The following ORC6 variants were observed in gnomAD, a reference collection of about 807,000 sequenced individuals.
ORC6 encodes the protein origin recognition complex subunit 6, also known as origin recognition complex, subunit 6 homolog-like (yeast).
A neutral mutation model predicts 30.0 loss-of-function variants in ORC6; 31 were observed. The observed-to-expected ratio is 1.03, with a 90% CI of 0.78 to 1.40. The LOEUF (loss-of-function observed/expected upper bound fraction) is 1.40, where lower values mean the gene tolerates loss of function less well. Ranked by LOEUF, ORC6 falls within the 40% of genes most tolerant of loss-of-function variation. ORC6 has a pLI of 0.00. For missense variants in ORC6, 340 were observed against 304.3 expected, an observed-to-expected ratio of 1.12 and a Z score of -0.87; for synonymous variants, 136 against 111.2, an observed-to-expected ratio of 1.22 and a Z score of -1.40.
chr16:46,691,954 A>ACTCTCTCTCTCT (rs1464451439), intron 2 of ORC6, among the ~76,000 whole-genome samples: 2 of 6,108 alleles, frequency 3.3e-4, no homozygotes, highest in East Asian at 6.3e-3. Flanking sequence ...ACACACACAC[A>ACTCTCTCTCTCT]CACACTCTCT....
Position 46,693,145 on chromosome 16 carries a change from C to A in ORC6, c.412C>A (p.Pro138Thr), listed in dbSNP as rs1966468484. 6.2e-7 allele frequency: 1 copy of A among 1,613,138 alleles called. No homozygotes were observed. The highest frequency in any genetic ancestry group is 2.2e-5 in the East Asian group (1 of 44,880). ...GCAAGTGGATCTTGACTTATCCAGG[C>A]CACTTTTCACTTCTGCTGCACTGCT... ...TQQVDLDLSR[P>T]LFTSAALLSA... is the part of the protein sequence containing the mutation. Residue 138 changes from proline to threonine, a missense_variant, in exon 4 of 7, where the codon CCA becomes ACA. Pro to Thr is a conservative substitution (Grantham distance 38). Coordinates refer to ENST00000219097, the MANE Select transcript of ORC6 (RefSeq NM_014321.4).
Position 46,690,997 on chromosome 16 carries a change from A to G in ORC6, c.72A>G (p.Ala24=), listed in dbSNP as rs767738291. Residue 24 remains alanine, a synonymous_variant, in exon 2 of 7, where the codon GCA becomes GCG. Transcript: ENST00000219097. ...GLAEPDMLRK[A]EEYLRLSRVK... is the part of the protein sequence containing the mutation. ...ACACTGCCCTTTTAACCAGGAAAGC[A>G]GAGGAGTACTTGCGCCTGTCCCGGG... 2 of 1,614,244 alleles carry G rather than the reference A, an allele frequency of 1.2e-6. No individual in the cohort carries two copies. The highest frequency in any genetic ancestry group is 4.5e-5 in the East Asian group (2 of 44,890).
intron 6 of ORC6, among the ~76,000 whole-genome samples, chr16:46,697,190 A>G (rs902068375): frequency 2.0e-5 from 3 of 152,102 alleles, no homozygotes; most frequent in African/African-American, 4.8e-5. Context: ...AGTGATAGCT[A>G]AGCTAGGTGT....
rs1173660103 is a variant in ORC6 at position 46,691,043 on chromosome 16, G to A, written c.118G>A (p.Ala40Thr). Residue 40 changes from alanine (A) to threonine (T), a missense_variant, in exon 2 of 7, where the codon GCA becomes ACA. Ala to Thr is a moderately conservative substitution (Grantham distance 58, BLOSUM62 0). Transcript: ENST00000219097. ...CCGGGTGAAGTGTGTCGGCCTCTCC[G>A]CACGCACCACGGAGACCAGCAGTGC... ...LSRVKCVGLS[A>T]RTTETSSAVM... 4 of 1,614,036 alleles carry A rather than the reference G, an allele frequency of 2.5e-6. No individual in the cohort carries two copies. The highest frequency in any genetic ancestry group is 2.2e-5 in the South Asian group (2 of 91,096).
chr16:46,695,840 A>G (rs777386633), intron 5 of ORC6, 166 bp downstream of exon 5: 1 of 749,218 alleles, frequency 1.3e-6, no homozygotes. Context: ...CCATGAATCT[A>G]TGCCTGGAAA....
chr16:46,690,763 A>G, intron 1 of ORC6: 1 of 582,646 alleles, frequency 1.7e-6, no homozygotes, highest in Non-Finnish European at 3.1e-6. Flanking sequence ...TTTTTTGTCA[A>G]AATTTAACTT....
At chr16:46,694,581 GCAGA>G (rs1966497070) in intron 4 of ORC6, 1 of 139,986 alleles carries the variant, frequency 7.1e-6, no homozygotes, top group Non-Finnish European at 1.6e-5. Context: ...AGCTGGCCGG[GCAGA>G]GGGGCTCCTC....
chr16:46,690,780 G>A, intron 1 of ORC6: 1 of 621,444 alleles, frequency 1.6e-6, no homozygotes, highest in South Asian at 1.7e-5. Flanking sequence ...ACTTCCTTTT[G>A]CCTGAAAGCA....
intron 3 of ORC6, among the ~76,000 whole-genome samples, 166 bp from the exon 4 acceptor site, chr16:46,692,927 T>C (rs1222620616): frequency 6.6e-6 from 1 of 152,152 alleles, no homozygotes; most frequent in Admixed American, 6.5e-5. Context: ...AGATACAAAT[T>C]ATCCATTGTC....
chr16:46,693,045 T>C (rs920733538), intron 3 of ORC6, 48 bp from the exon 4 acceptor site: 1 of 1,264,822 alleles, frequency 7.9e-7, no homozygotes, highest in Non-Finnish European at 1.2e-6. Context: ...CAGTCTCTTT[T>C]CAAATAATAT....
intron 5 of ORC6, 100 bp from the exon 6 acceptor site, chr16:46,695,914 ATTT>A: frequency 1.1e-6 from 1 of 881,044 alleles, no homozygotes; most frequent in Admixed American, 1.8e-5. Context: ...TTCTCCTCAT[ATTT>A]GATCAGTTAA....
chr16:46,695,368 T>C (rs754115802), intron 4 of ORC6, 194 bp from the exon 5 acceptor site: 1 of 588,374 alleles, frequency 1.7e-6, no homozygotes, highest in Non-Finnish European at 3.0e-6. Context: ...ATAGATCCCA[T>C]GTGCATTTTA....
At chr16:46,691,198 T>G in intron 2 of ORC6, 78 bp downstream of exon 2, 1 of 1,346,058 alleles carries the variant, frequency 7.4e-7, no homozygotes, top group Non-Finnish European at 1.1e-6. Flanking sequence ...AACTAAACCC[T>G]AGTAAAAACT....
chr16:46,689,663 A>G lies in ORC6; in HGVS notation c.-43A>G. 6.3e-7 allele frequency: 1 copy of G among 1,575,434 alleles called. No homozygotes were observed. The highest frequency in any genetic ancestry group is 8.6e-7 in the Non-Finnish European group (1 of 1,160,148). On this transcript the variant is annotated 5_prime_UTR_variant, in exon 1 of 7. Coordinates refer to ENST00000219097, the MANE Select transcript of ORC6 (RefSeq NM_014321.4). Reference sequence around the variant, plus strand: ...CAGCCTTTGCGCGCGGGTTTCGTTGACCCGCGGCGTTCACGGGAATTGTTC... The same window carrying G: ...CAGCCTTTGCGCGCGGGTTTCGTTGGCCCGCGGCGTTCACGGGAATTGTTC...
At position 46,692,258 on chromosome 16, in the gene ORC6, G is replaced by A. The variant is rs1028573176; in HGVS notation, c.196-124G>A. 3 of 763,542 alleles carry A rather than the reference G, an allele frequency of 3.9e-6. No individual in the cohort carries two copies. The African/African-American group carries it at 5.3e-5, about 13-fold the overall frequency. The allele number at this position is 763,542 out of a possible 1,614,324, so 47.3% of individuals were successfully genotyped here. A position where few individuals can be genotyped will look rare whatever the true frequency, so the allele number is the denominator to read the frequency against. Reference sequence around the variant, plus strand: ...TGACTAAATGAAGCTAAACCTTTAGGTAGAGTGACTTGCCACAAAATTAAT... The same window carrying A: ...TGACTAAATGAAGCTAAACCTTTAGATAGAGTGACTTGCCACAAAATTAAT... On this transcript the variant is annotated intron_variant, in intron 2 of 6. Transcript: ENST00000219097.
chr16:46,696,629 T>TTTTG lies in ORC6; in HGVS notation c.631+557_631+560dup, dbSNP rs547531901. On this transcript the variant is annotated intron_variant, in intron 6 of 6. Transcript: ENST00000219097. ...TACTGGCTATGTGATTTTTTGGTTT[T>TTTTG]TTTGTTTGTTTGTTTGATTTTGGTT... is the stretch of plus-strand genomic sequence containing the variant. 2.9e-3 allele frequency among the ~76,000 whole-genome samples: 442 copies of TTTTG among 152,256 alleles called. 4 individuals are homozygous for TTTTG. Among genetic ancestry groups the TTTTG allele is most frequent in the South Asian group, 0.012 (58 of 4,822 alleles).
At chr16:46,693,014 G>A (rs1432200927) in intron 3 of ORC6, 79 bp from the exon 4 acceptor site, 3 of 975,532 alleles carry the variant, frequency 3.1e-6, no homozygotes, top group Non-Finnish European at 5.0e-6. Context: ...TTAAAAGCTT[G>A]TAAGTTCTGG....
chr16:46,695,382 C>CT (rs2143010974), intron 4 of ORC6, 180 bp from the exon 5 acceptor site: 3 of 602,358 alleles, frequency 5.0e-6, no homozygotes. Flanking sequence ...CATTTTAACT[C>CT]TCAGTCCAAT....
In ORC6 at chr16:46,698,376, A is replaced by C. The variant is rs1966546948; in HGVS notation, c.*791A>C. On this transcript the variant is annotated 3_prime_UTR_variant, in exon 7 of 7. Transcript: ENST00000219097. ...ATATATTGTACAGCCTAAGTTAATA[A>C]ATGTTATTTATATATGCATTCAAGT... 2.6e-6 allele frequency: 1 copy of C among 387,740 alleles called. No homozygotes were observed. The highest frequency in any genetic ancestry group is 1.9e-5 in the South Asian group (1 of 53,040). 24.0% of individuals were successfully genotyped at this position (387,740 alleles called of 1,614,324 possible).
Sources: allele counts gnomAD v4.1 joint callset (sites outside exome capture counted in the v4.1 genomes callset), GRCh38; gene constraint gnomAD v4.1.1; transcripts MANE v1.5; gene names NCBI Gene and HGNC (gene_info 2026-07-23, HGNC 2026-07-21).